The following RAD54L2 variants were observed in gnomAD, a reference collection of about 807,000 sequenced individuals.
The protein encoded by RAD54L2 is RAD54 like 2.
Under a neutral mutation model 138.4 loss-of-function variants are expected in RAD54L2, and 27 were observed. The observed-to-expected ratio is 0.20, with a 90% confidence interval of 0.14 to 0.27. The LOEUF (loss-of-function observed/expected upper bound fraction) is 0.27. Among genes scored for constraint, RAD54L2 ranks in the 10% least tolerant of loss-of-function variants. The pLI, the probability that RAD54L2 is intolerant of heterozygous loss-of-function variation, is 1.00. For missense variants in RAD54L2, 1,396 were observed against 1,890.2 expected, an observed-to-expected ratio of 0.74 and a Z score of 4.85; for synonymous variants, 644 against 723.2, an observed-to-expected ratio of 0.89 and a Z score of 1.76.
chr3:51,567,941 CAAAAAA>C (rs763939768), intron 2 of RAD54L2, among the ~76,000 whole-genome samples: 249 of 81,690 alleles, frequency 3.0e-3, no homozygotes, highest in Non-Finnish European at 5.3e-3. Flanking sequence ...GACCCTGTCT[CAAAAAA>C]AAAAAAAAAA....
chr3:51,591,699 A>G (rs1484958671), intron 3 of RAD54L2, among the ~76,000 whole-genome samples: 1 of 152,222 alleles, frequency 6.6e-6, no homozygotes, highest in Non-Finnish European at 1.5e-5. Context: ...AATGGAAGAC[A>G]GTAATGTTTG....
chr3:51,626,545 A>G (rs1202508067), intron 3 of RAD54L2, among the ~76,000 whole-genome samples: 2 of 142,912 alleles, frequency 1.4e-5, no homozygotes, highest in East Asian at 2.1e-4. Context: ...CCTGGGTTCA[A>G]TTGATGCTCC....
At chr3:51,570,044 G>A (rs1421676817) in intron 2 of RAD54L2, among the ~76,000 whole-genome samples, 5 of 151,326 alleles carry the variant, frequency 3.3e-5, no homozygotes, top group African/African-American at 9.7e-5. Context: ...TGTTGCCCAG[G>A]CTGTTCTCAA....
chr3:51,622,395 TG>T (rs1489424998), intron 3 of RAD54L2, among the ~76,000 whole-genome samples: 1 of 152,174 alleles, frequency 6.6e-6, no homozygotes, highest in African/African-American at 2.4e-5. Context: ...CCGGTGGTAA[TG>T]GAGAAAGGAG....
chr3:51,646,240 A>G (rs376514606), intron 18 of RAD54L2, 45 bp from the exon 19 acceptor site: 85 of 1,517,084 alleles, frequency 5.6e-5, no homozygotes, highest in Non-Finnish European at 7.2e-5. Flanking sequence ...CTCATTATCT[A>G]TCAGCCATGT....
intron 19 of RAD54L2, among the ~76,000 whole-genome samples, chr3:51,655,328 G>T (rs1701571722): frequency 6.6e-6 from 1 of 152,052 alleles, no homozygotes. Flanking sequence ...CACTGCTTTG[G>T]TGGCTGCTGC....
Position 51,629,439 on chromosome 3 carries a change from C to T in RAD54L2, c.447C>T (p.Ala149=), listed in dbSNP as rs1207705697. ...AGCAGCAGAGGAAAGATTATGCAGC[C>T]CCTATTCCTACTGTTCCGCTGGAGT... ...RLEQQRKDYA[A]PIPTVPLEFL... is the part of the protein sequence containing the mutation. The change falls in exon 5 of 23, where the codon GCC becomes GCT. Residue 149 remains alanine (A), a synonymous_variant. Transcript: ENST00000684192. 1 of 1,612,400 alleles carries T rather than the reference C, an allele frequency of 6.2e-7. No homozygotes were observed. The highest frequency in any genetic ancestry group is 1.1e-5 in the South Asian group (1 of 90,560).
chr3:51,641,536 G>C (rs1472186665), intron 14 of RAD54L2, among the ~76,000 whole-genome samples: 1 of 146,904 alleles, frequency 6.8e-6, no homozygotes, highest in African/African-American at 2.5e-5. Flanking sequence ...AGGCTGGTCT[G>C]GAACTCCTGA....
At chr3:51,550,011 C>T (rs1471504653) in intron 2 of RAD54L2, among the ~76,000 whole-genome samples, 3 of 152,128 alleles carry the variant, frequency 2.0e-5, no homozygotes, top group East Asian at 1.9e-4. Flanking sequence ...TGTGCCCTGC[C>T]GGCTATGCTA....
intron 19 of RAD54L2, among the ~76,000 whole-genome samples, chr3:51,648,421 G>A (rs772651957): frequency 1.4e-4 from 22 of 152,342 alleles, no homozygotes; most frequent in Admixed American, 5.2e-4. Flanking sequence ...AATGTTCCCC[G>A]TCTGACAGCT....
intron 3 of RAD54L2, among the ~76,000 whole-genome samples, chr3:51,625,454 A>G (rs1299506264): frequency 6.6e-6 from 1 of 152,164 alleles, no homozygotes; most frequent in Non-Finnish European, 1.5e-5. Context: ...ATTCTTCCCT[A>G]CAGAAAAATT....
At chr3:51,624,674 C>T (rs1198938238) in intron 3 of RAD54L2, among the ~76,000 whole-genome samples, 2 of 152,222 alleles carry the variant, frequency 1.3e-5, no homozygotes, top group Admixed American at 6.5e-5. Flanking sequence ...TAATAACGGG[C>T]ATAGCTGGAG....
chr3:51,543,895 C>T (rs1236714567), intron 2 of RAD54L2, among the ~76,000 whole-genome samples: 5 of 152,200 alleles, frequency 3.3e-5, no homozygotes, highest in African/African-American at 1.2e-4. Context: ...GCACCACCTT[C>T]TCTTAATAAA....
chr3:51,555,457 A>G (rs112642536), intron 2 of RAD54L2, among the ~76,000 whole-genome samples: 5,807 of 151,896 alleles, frequency 0.038, 389 homozygotes, highest in African/African-American at 0.13. Context: ...TACAAAAAAT[A>G]CAAAAATTAG....
At chr3:51,657,341 T>G (rs1559656915) in intron 20 of RAD54L2, among the ~76,000 whole-genome samples, 1 of 152,214 alleles carries the variant, frequency 6.6e-6, no homozygotes, top group Non-Finnish European at 1.5e-5. Flanking sequence ...AAAGGGAAAT[T>G]GATTGCAACG....
rs938267892 is a variant in RAD54L2 at position 51,590,358 on chromosome 3, C to G, written c.-54-9C>G. On this transcript the variant is annotated splice_polypyrimidine_tract_variant and intron_variant, in intron 2 of 22. Coordinates refer to ENST00000684192, the MANE Select transcript of RAD54L2 (RefSeq NM_015106.4). ...CTTGGTGATTCTGATGCCTTTCATC[C>G]TCTCCTAGCACCCCTGCAGTGGACC... The G allele has an allele frequency of 4.2e-6, 6 of 1,445,050 alleles. No individual in the cohort carries two copies. Among genetic ancestry groups the G allele is most frequent in the Non-Finnish European group, 5.5e-6 (6 of 1,094,490 alleles). 89.5% of individuals were successfully genotyped at this position (1,445,050 alleles called of 1,614,324 possible).
At chr3:51,651,628 C>T (rs1358744467) in intron 19 of RAD54L2, among the ~76,000 whole-genome samples, 1 of 152,090 alleles carries the variant, frequency 6.6e-6, no homozygotes, top group East Asian at 1.9e-4. Flanking sequence ...AAGGCTGGTT[C>T]AACATATGCA....
chr3:51,644,543 T>C (rs1365198776), intron 16 of RAD54L2, among the ~76,000 whole-genome samples: 2 of 152,202 alleles, frequency 1.3e-5, no homozygotes, highest in African/African-American at 4.8e-5. Context: ...GATGATGTGA[T>C]GAATATGAAA....
intron 3 of RAD54L2, among the ~76,000 whole-genome samples, chr3:51,626,434 A>ATTTTTTTTTTTT (rs1302087610): frequency 1.7e-3 from 21 of 12,264 alleles, no homozygotes; most frequent in South Asian, 3.2e-3. Context: ...ACCCCCAACG[A>ATTTTTTTTTTTT]TCTTTTTTTT....
Sources: gnomAD v4.1 joint callset for allele counts (sites outside exome capture counted in the v4.1 genomes callset) on GRCh38, gnomAD v4.1.1 for gene constraint, MANE v1.5 for transcripts, NCBI Gene and HGNC (gene_info 2026-07-23, HGNC 2026-07-21) for gene names.